NFATC2: variants seen among roughly 807,000 people sequenced by gnomAD.
NFATC2 encodes nuclear factor of activated T cells 2.
NFATC2 carries 22 observed loss-of-function variants against 87.3 expected under a neutral mutation model. The observed-to-expected ratio is 0.25, with a 90% CI of 0.18 to 0.36. The LOEUF (loss-of-function observed/expected upper bound fraction) is 0.36. Among genes scored for constraint, NFATC2 ranks in the 10% least tolerant of loss-of-function variants. NFATC2 has a pLI of 1.00. For synonymous variants in NFATC2, 565 were observed against 542.2 expected, an observed-to-expected ratio of 1.04 and a Z score of -0.58; for missense variants, 1,149 against 1,259.1, an observed-to-expected ratio of 0.91 and a Z score of 1.32.
intron 1 of NFATC2, among the ~76,000 whole-genome samples, chr20:51,555,463 G>A (rs1359838385): frequency 6.6e-6 from 1 of 152,014 alleles, no homozygotes; most frequent in Non-Finnish European, 1.5e-5. Context: ...TGTGGTGGCG[G>A]GCGCCTGTAG....
chr20:51,465,948 G>A (rs1423066868), intron 5 of NFATC2, among the ~76,000 whole-genome samples: 8 of 152,136 alleles, frequency 5.3e-5, no homozygotes, highest in Non-Finnish European at 8.8e-5. Flanking sequence ...GGAAGCCCAC[G>A]ATAATGATGT....
At chr20:51,539,547 G>C (rs1034062273) in intron 1 of NFATC2, among the ~76,000 whole-genome samples, 8 of 152,192 alleles carry the variant, frequency 5.3e-5, no homozygotes, top group South Asian at 2.1e-4. Flanking sequence ...GCAGTGGCAC[G>C]ATCACGGCTC....
intron 2 of NFATC2, among the ~76,000 whole-genome samples, chr20:51,521,384 G>T (rs146529215): frequency 6.6e-6 from 1 of 151,928 alleles, no homozygotes; most frequent in Admixed American, 6.5e-5. Context: ...GCAGTGGCAT[G>T]ATCTTGGCTC....
chr20:51,503,660 C>A (rs1025587562), intron 3 of NFATC2, among the ~76,000 whole-genome samples: 1 of 152,224 alleles, frequency 6.6e-6, no homozygotes, highest in South Asian at 2.1e-4. Flanking sequence ...TCAACAGCAG[C>A]CCACAGCGAG....
Position 51,523,694 on chromosome 20 carries a change from A to T in NFATC2, c.547T>A (p.Phe183Ile), listed in dbSNP as rs369095254. The T allele has an allele frequency of 2.5e-6, 4 of 1,612,956 alleles. No individual in the cohort carries two copies. Among genetic ancestry groups the T allele is most frequent in the Non-Finnish European group, 3.4e-6 (4 of 1,179,410 alleles). The part of the protein sequence containing the change: ...GSSASFISDT[F>I]SPYTSPCVSP... ...ACGCAGGGCGAGGTGTAGGGGGAGA[A>T]GGTGTCAGAAATGAAGCTGGCAGAG... The change falls in exon 2 of 11, where the codon TTC becomes ATC. Residue 183 changes from phenylalanine (F) to isoleucine (I), a missense_variant. Coordinates refer to ENST00000371564, the MANE Select transcript of NFATC2 (RefSeq NM_012340.5). This position sits in a 1 kb window ranked among gnomAD's most constrained non-coding sequence, Gnocchi z 6.9.
intron 5 of NFATC2, among the ~76,000 whole-genome samples, chr20:51,455,358 C>T (rs906732349): frequency 1.3e-5 from 2 of 151,930 alleles, no homozygotes; most frequent in South Asian, 2.1e-4. Flanking sequence ...GTCTGTCCTC[C>T]CCAGTTACCT....
intron 6 of NFATC2, among the ~76,000 whole-genome samples, chr20:51,448,686 C>A (rs1985396497): frequency 6.6e-6 from 1 of 152,070 alleles, no homozygotes; most frequent in African/African-American, 2.4e-5. Flanking sequence ...GGTGGAGGAA[C>A]ATTCTAAGAG....
At chr20:51,481,028 G>C (rs1989209753) in intron 3 of NFATC2, among the ~76,000 whole-genome samples, 2 of 152,082 alleles carry the variant, frequency 1.3e-5, no homozygotes, top group South Asian at 4.2e-4. Context: ...AGAGGGGCCA[G>C]GTGAAGAAAC....
At chr20:51,536,913 AC>A (rs2076730978) in intron 1 of NFATC2, among the ~76,000 whole-genome samples, 1 of 152,006 alleles carries the variant, frequency 6.6e-6, no homozygotes, top group African/African-American at 2.4e-5. Flanking sequence ...ACACACACAC[AC>A]ACACACACAG....
intron 3 of NFATC2, 28 bp from the exon 4 acceptor site, chr20:51,475,688 AG>A: frequency 6.2e-7 from 1 of 1,611,370 alleles, no homozygotes; most frequent in Non-Finnish European, 8.5e-7. Context: ...AAAATCATTA[AG>A]GTGCGGGGTG....
At chr20:51,444,435 T>C (rs1299855160) in intron 6 of NFATC2, among the ~76,000 whole-genome samples, 1 of 151,926 alleles carries the variant, frequency 6.6e-6, no homozygotes, top group East Asian at 1.9e-4. Flanking sequence ...TTGCAGGCAA[T>C]TATTTAACCC....
At chr20:51,561,480 AAAGAAAGCAAGCAAGCAAGC>A (rs1426923576) in intron 1 of NFATC2, among the ~76,000 whole-genome samples, 1,140 of 110,912 alleles carry the variant, frequency 0.01, 7 homozygotes, top group Admixed American at 0.02. Context: ...AGAAAGAAAG[AAAGAAAGCAAGCAAGCAAGC>A]AAGCAAGCAA....
At chr20:51,462,959 G>A (rs1201814311) in intron 5 of NFATC2, among the ~76,000 whole-genome samples, 1 of 152,190 alleles carries the variant, frequency 6.6e-6, no homozygotes, top group African/African-American at 2.4e-5. Flanking sequence ...AAAGACACCG[G>A]CCAGCCCAGG....
rs1416561486 is a variant in NFATC2, at chr20:51,504,207, A to G, written c.1332+12577T>C. On this transcript the variant is annotated intron_variant, in intron 3 of 10. Coordinates refer to ENST00000371564, the MANE Select transcript of NFATC2 (RefSeq NM_012340.5). ...CCAGCTAATTTTGTATTTTTAGTAG[A>G]GATGGGGTTTCTCCATGTTGGTCAG... 2.0e-5 allele frequency among the ~76,000 whole-genome samples: 3 copies of G among 152,174 alleles called. No homozygotes were observed. In the East Asian group the frequency reaches 5.8e-4, roughly 29 times the overall value.
intron 6 of NFATC2, among the ~76,000 whole-genome samples, chr20:51,448,255 A>G (rs1201863144): frequency 6.6e-6 from 1 of 152,216 alleles, no homozygotes. Context: ...GGGAAGCGGG[A>G]CAACTTCAGA....
At chr20:51,508,915 A>G (rs2146662171) in intron 3 of NFATC2, among the ~76,000 whole-genome samples, 1 of 150,804 alleles carries the variant, frequency 6.6e-6, no homozygotes, top group Admixed American at 6.6e-5. Context: ...TCCACACCCC[A>G]GCAGAGGGAT....
rs11318467 is a variant in NFATC2 at position 51,420,013 on chromosome 20, C to CA, written c.2722+12053dup. 1.2e-3 allele frequency among the ~76,000 whole-genome samples: 171 copies of CA among 143,330 alleles called. 1 individual carries two copies. Among genetic ancestry groups the CA allele is most frequent in the African/African-American group, 3.6e-3 (140 of 38,392 alleles). 94.0% of individuals were successfully genotyped at this position (143,330 alleles called of 152,430 possible). ...TAAATTCATGAGTTCATAATGGTAC[C>CA]AAAAAAAAAAAAAGCAACTACACAC... On this transcript the variant is annotated intron_variant, in intron 9 of 10. Coordinates refer to ENST00000371564, the MANE Select transcript of NFATC2 (RefSeq NM_012340.5).
intron 9 of NFATC2, among the ~76,000 whole-genome samples, chr20:51,405,853 A>G (rs1988513234): frequency 6.6e-6 from 1 of 152,186 alleles, no homozygotes; most frequent in Non-Finnish European, 1.5e-5. Context: ...CCCAGAGCAC[A>G]GCAACCTCCG....
intron 3 of NFATC2, among the ~76,000 whole-genome samples, chr20:51,507,687 C>T (rs913702242): frequency 6.6e-6 from 1 of 152,240 alleles, no homozygotes; most frequent in African/African-American, 2.4e-5. Context: ...TGCCTCACTT[C>T]GAACCACCCG....
Sources: allele counts gnomAD v4.1 joint callset (sites outside exome capture counted in the v4.1 genomes callset), GRCh38; gene constraint gnomAD v4.1.1; non-coding constraint Gnocchi (gnomAD v3.1); transcripts MANE v1.5; gene names NCBI Gene and HGNC (gene_info 2026-07-23, HGNC 2026-07-21).